NEGR1: variants seen among roughly 807,000 people sequenced by gnomAD.
The protein encoded by NEGR1 is IgLON family member 4.
Under a neutral mutation model 40.9 loss-of-function variants are expected in NEGR1, and 10 were observed. That is an observed-to-expected ratio of 0.24 (90% CI 0.15 to 0.42). NEGR1 has a LOEUF of 0.42. Ranked by LOEUF, NEGR1 falls within the 10% of genes least tolerant of loss-of-function variation. The pLI, the probability that NEGR1 is intolerant of heterozygous loss-of-function variation, is 1.00. For missense variants in NEGR1, 352 were observed against 438.9 expected, an observed-to-expected ratio of 0.80 and a Z score of 1.77; for synonymous variants, 185 against 166.8, an observed-to-expected ratio of 1.11 and a Z score of -0.84.
chr1:71,854,744 G>A (rs1659709733), intron 2 of NEGR1, among the ~76,000 whole-genome samples: 1 of 151,990 alleles, frequency 6.6e-6, no homozygotes. Flanking sequence ...GAGCAAAGGG[G>A]GGAAAGTCCC....
chr1:71,706,578 A>T (rs1375587638), intron 3 of NEGR1, among the ~76,000 whole-genome samples: 2 of 150,898 alleles, frequency 1.3e-5, no homozygotes, highest in African/African-American at 4.9e-5. Context: ...AAAAAAAAAA[A>T]AAAATACCCC....
At chr1:72,088,838 TCTCA>T (rs377268699) in intron 1 of NEGR1, among the ~76,000 whole-genome samples, 142 of 125,924 alleles carry the variant, frequency 1.1e-3, no homozygotes, top group African/African-American at 4.1e-3. Flanking sequence ...CGGAATGGAC[TCTCA>T]CTCTGTCATC....
chr1:71,796,279 C>T (rs1657321912), intron 2 of NEGR1, among the ~76,000 whole-genome samples: 2 of 152,014 alleles, frequency 1.3e-5, no homozygotes, highest in African/African-American at 4.8e-5. Flanking sequence ...CAAAATGAGT[C>T]CTATTTACAT....
rs557795289 is a variant in NEGR1 at position 71,416,757 on chromosome 1, A to C, written c.941-9187T>G. ...ACTTTGCACATGTGTCACCCTAGGC[A>C]GAAAACTCTCCATTCCCAGGACACA... On this transcript the variant is annotated intron_variant, in intron 6 of 6. Transcript: ENST00000357731. 3.3e-4 allele frequency among the ~76,000 whole-genome samples: 50 copies of C among 152,346 alleles called. 1 individual carries two copies. The highest frequency in any genetic ancestry group is 1.2e-3 in the African/African-American group (49 of 41,572).
chr1:71,961,649 G>A (rs1487365561), intron 1 of NEGR1, among the ~76,000 whole-genome samples: 1 of 152,084 alleles, frequency 6.6e-6, no homozygotes, highest in Admixed American at 6.6e-5. Context: ...GAATCAAGAG[G>A]TCTGTCTTCA....
chr1:71,596,639 T>G (rs1649722525), intron 5 of NEGR1, among the ~76,000 whole-genome samples: 1 of 152,194 alleles, frequency 6.6e-6, no homozygotes, highest in South Asian at 2.1e-4. Flanking sequence ...ATTACAAAAA[T>G]ATTAATAAAT....
At chr1:71,422,040 T>A (rs1266869689) in intron 6 of NEGR1, among the ~76,000 whole-genome samples, 2 of 152,130 alleles carry the variant, frequency 1.3e-5, no homozygotes, top group Non-Finnish European at 2.9e-5. Flanking sequence ...ATTTAAACTA[T>A]TCTTCTGATA....
intron 2 of NEGR1, among the ~76,000 whole-genome samples, chr1:71,915,402 T>C (rs1220853604): frequency 2.6e-5 from 4 of 152,088 alleles, no homozygotes; most frequent in African/African-American, 4.8e-5. Flanking sequence ...GAGTAATAAA[T>C]AAAAGGAGAA....
intron 6 of NEGR1, among the ~76,000 whole-genome samples, chr1:71,546,898 G>A (rs1014345470): frequency 6.6e-6 from 1 of 151,566 alleles, no homozygotes; most frequent in Admixed American, 6.6e-5. Flanking sequence ...TATATAAAGA[G>A]GTGCCCTATT....
chr1:72,186,774 C>T (rs543488745), intron 1 of NEGR1, among the ~76,000 whole-genome samples: 5 of 151,652 alleles, frequency 3.3e-5, no homozygotes, highest in South Asian at 4.1e-4. Context: ...GATAAATTCT[C>T]ATAGAGTACT....
At chr1:71,825,897 A>C (rs1658602724) in intron 2 of NEGR1, among the ~76,000 whole-genome samples, 3 of 151,944 alleles carry the variant, frequency 2.0e-5, no homozygotes, top group African/African-American at 7.2e-5. Flanking sequence ...TACTACTATT[A>C]TTTAGCCTAT....
At chr1:71,750,321 C>G (rs957551307) in intron 3 of NEGR1, among the ~76,000 whole-genome samples, 1 of 152,140 alleles carries the variant, frequency 6.6e-6, no homozygotes, top group African/African-American at 2.4e-5. Context: ...CGATAAGCCA[C>G]TGTGTTATAT....
chr1:71,667,176 A>G (rs1165636016), intron 4 of NEGR1, among the ~76,000 whole-genome samples: 2 of 152,168 alleles, frequency 1.3e-5, no homozygotes, highest in Non-Finnish European at 2.9e-5. Flanking sequence ...AAAATCACAT[A>G]ATTTATTCCT....
chr1:72,012,505 T>A (rs527403632), intron 1 of NEGR1, among the ~76,000 whole-genome samples: 15 of 152,236 alleles, frequency 9.9e-5, no homozygotes, highest in African/African-American at 3.6e-4. Flanking sequence ...GAAAGAAACA[T>A]CTGACGGAGA....
chr1:71,967,897 C>T (rs1455781098), intron 1 of NEGR1, among the ~76,000 whole-genome samples: 3 of 152,164 alleles, frequency 2.0e-5, no homozygotes, highest in African/African-American at 7.2e-5. Flanking sequence ...CTCTATATGA[C>T]ATCAACTTTC....
At chr1:71,621,121 GA>G (rs1650594699) in intron 4 of NEGR1, among the ~76,000 whole-genome samples, 1 of 151,786 alleles carries the variant, frequency 6.6e-6, no homozygotes, top group Non-Finnish European at 1.5e-5. Context: ...GGGCAAAAAA[GA>G]AAAATGAATT....
intron 3 of NEGR1, among the ~76,000 whole-genome samples, chr1:71,712,769 TG>T: frequency 6.6e-6 from 1 of 152,270 alleles, no homozygotes. Flanking sequence ...GACTGGATCA[TG>T]GGGTCAGATT....
chr1:72,157,113 C>A (rs1341940188), intron 1 of NEGR1, among the ~76,000 whole-genome samples: 3 of 152,060 alleles, frequency 2.0e-5, no homozygotes, highest in Non-Finnish European at 4.4e-5. Flanking sequence ...TAGGCATATG[C>A]CACCTTGTCT....
chr1:72,152,463 A>T (rs1651160699), intron 1 of NEGR1, among the ~76,000 whole-genome samples: 1 of 152,052 alleles, frequency 6.6e-6, no homozygotes, highest in Non-Finnish European at 1.5e-5. Flanking sequence ...ATTAATAAAA[A>T]GTCAAAAAAC....
Sources: allele counts gnomAD v4.1 joint callset (sites outside exome capture counted in the v4.1 genomes callset), GRCh38; gene constraint gnomAD v4.1.1; transcripts MANE v1.5; gene names NCBI Gene and HGNC (gene_info 2026-07-23, HGNC 2026-07-21).